SLC16A5: variants seen among roughly 807,000 people sequenced by gnomAD.
The protein encoded by SLC16A5 is solute carrier family 16 member 5, also known as monocarboxylate transporter 6.
SLC16A5 carries 29 observed loss-of-function variants against 33.2 expected under a neutral mutation model. The ratio of observed to expected loss-of-function variants is 0.87; its 90% CI spans 0.65 to 1.19. SLC16A5 has a LOEUF of 1.19. SLC16A5 is among the 50% of genes most tolerant of loss of function. The probability of loss-of-function intolerance (pLI) is 0.00; values close to 1 mark genes in which losing one functional copy is unlikely to be tolerated. For missense variants in SLC16A5, 606 were observed against 678.2 expected (o/e 0.89, Z 1.18); for synonymous variants, 248 against 284.1 (o/e 0.87, Z 1.28).
intron 3 of SLC16A5, among the ~76,000 whole-genome samples, chr17:75,097,677 C>G (rs1236902654): frequency 1.3e-5 from 2 of 152,066 alleles, no homozygotes; most frequent in Non-Finnish European, 2.9e-5. Flanking sequence ...ACCAACAGAC[C>G]CCCAGCGAAG....
chr17:75,091,628 G>A (rs2073638561), intron 2 of SLC16A5, among the ~76,000 whole-genome samples: 1 of 152,200 alleles, frequency 6.6e-6, no homozygotes, highest in African/African-American at 2.4e-5. Flanking sequence ...CCTAGGCCTG[G>A]AGGGAAGCAG....
chr17:75,103,333 C>CTTT (rs1194395211), intron 5 of SLC16A5, among the ~76,000 whole-genome samples: 1 of 128,626 alleles, frequency 7.8e-6, no homozygotes. Context: ...CAAGGGAATT[C>CTTT]TTTTTTTTTT....
chr17:75,093,325 T>C (rs2073667568), intron 2 of SLC16A5: 1 of 1,319,334 alleles, frequency 7.6e-7, no homozygotes, highest in Non-Finnish European at 1.0e-6. Flanking sequence ...CCACCTGCCC[T>C]GCCCCGTCCT....
intron 4 of SLC16A5, 65 bp from the exon 5 acceptor site, chr17:75,099,942 C>T (rs1343377031): frequency 4.1e-6 from 6 of 1,471,212 alleles, no homozygotes; most frequent in Non-Finnish European, 5.5e-6. Context: ...CCACTGACCC[C>T]ACCCCTGGGT....
chr17:75,090,462 CTT>C (rs71159429), intron 2 of SLC16A5: 2,585 of 122,256 alleles, frequency 0.021, 34 homozygotes, highest in Non-Finnish European at 0.032. Context: ...CTTTTCTTTT[CTT>C]TTTTTTTTTT....
chr17:75,100,856 A>G (rs4238978), intron 5 of SLC16A5, 40 bp downstream of exon 5: 772,477 of 1,508,092 alleles, frequency 0.51, 202,842 homozygotes, highest in East Asian at 0.77. Flanking sequence ...TAGTGTGGTA[A>G]AAGGGGAACA....
chr17:75,106,633 G>A (rs1406781290), downstream of SLC16A5, among the ~76,000 whole-genome samples: 3 of 147,144 alleles, frequency 2.0e-5, no homozygotes, highest in Admixed American at 6.9e-5. Flanking sequence ...GGTGGCTCAC[G>A]CCTGTAATCC....
chr17:75,089,115 A>C (rs2073605924), intron 1 of SLC16A5, 36 bp from the exon 2 acceptor site: 1 of 152,414 alleles, frequency 6.6e-6, no homozygotes, highest in Admixed American at 6.5e-5. Flanking sequence ...TGCCCAAAGC[A>C]CACACCAGGC....
At chr17:75,097,453 C>T (rs554316638) in intron 3 of SLC16A5, among the ~76,000 whole-genome samples, 30 of 151,178 alleles carry the variant, frequency 2.0e-4, no homozygotes, top group Non-Finnish European at 1.5e-5. Flanking sequence ...AGGGGAGAAC[C>T]TACCCTGCCT....
intron 6 of SLC16A5, chr17:75,104,547 G>T: frequency 1.2e-6 from 1 of 852,660 alleles, no homozygotes; most frequent in South Asian, 3.3e-5. Flanking sequence ...TGCCCCCCAA[G>T]TTCAAGCGAT....
intron 3 of SLC16A5, among the ~76,000 whole-genome samples, chr17:75,095,136 A>G (rs9905244): frequency 0.052 from 7,884 of 152,242 alleles, 686 homozygotes; most frequent in African/African-American, 0.18. Flanking sequence ...CAGCCTGCCT[A>G]TTATTCCAGG....
intron 3 of SLC16A5, among the ~76,000 whole-genome samples, chr17:75,097,055 ACCTTAAGTGAT>A (rs2073729821): frequency 6.6e-6 from 1 of 151,114 alleles, no homozygotes; most frequent in Non-Finnish European, 1.5e-5. Flanking sequence ...CGAACTCCTG[ACCTTAAGTGAT>A]CCACCCACCT....
intron 1 of SLC16A5, among the ~76,000 whole-genome samples, chr17:75,088,431 C>G (rs1026483589): frequency 1.8e-4 from 28 of 152,180 alleles, no homozygotes; most frequent in African/African-American, 6.5e-4. Flanking sequence ...GTCCCAAACC[C>G]TTGCTGGTTT....
intron 5 of SLC16A5, 36 bp downstream of exon 5, chr17:75,100,852 G>A (rs1443536598): frequency 2.0e-6 from 3 of 1,516,616 alleles, no homozygotes; most frequent in Non-Finnish European, 2.7e-6. Context: ...CAGATAGTGT[G>A]GTAAAAGGGG....
chr17:75,109,153 G>A (rs549988312), downstream of SLC16A5, among the ~76,000 whole-genome samples: 8 of 152,244 alleles, frequency 5.3e-5, 1 homozygote, highest in South Asian at 1.2e-3. The surrounding 1 kb of genome is among the most constrained non-coding windows in gnomAD (Gnocchi z 5.0). Context: ...GATAATCTCC[G>A]AGAAGGAATC....
chr17:75,090,822 C>T (rs971795993), intron 2 of SLC16A5, among the ~76,000 whole-genome samples: 1 of 151,922 alleles, frequency 6.6e-6, no homozygotes, highest in Admixed American at 6.6e-5. Flanking sequence ...TGGCCTGGGG[C>T]CTGGAGAGAG....
chr17:75,107,484 G>A (rs1327663632), downstream of SLC16A5, among the ~76,000 whole-genome samples: 2 of 152,278 alleles, frequency 1.3e-5, no homozygotes, highest in South Asian at 2.1e-4. Flanking sequence ...TCCACCCCAA[G>A]GAGGGCCCCT....
intron 6 of SLC16A5, chr17:75,105,579 C>T (rs991587554): frequency 1.0e-5 from 10 of 985,372 alleles, no homozygotes; most frequent in Non-Finnish European, 1.2e-5. Flanking sequence ...CTTGCTGGTG[C>T]CTTTCCCTGA....
At chr17:75,091,455 T>G (rs1308303502) in intron 2 of SLC16A5, among the ~76,000 whole-genome samples, 1 of 152,022 alleles carries the variant, frequency 6.6e-6, no homozygotes, top group East Asian at 1.9e-4. Context: ...GGGCAAGCAG[T>G]GCTCCGCCTT....
Sources: gnomAD v4.1 joint callset for allele counts (sites outside exome capture counted in the v4.1 genomes callset) on GRCh38, gnomAD v4.1.1 for gene constraint, Gnocchi (gnomAD v3.1) non-coding constraint, MANE v1.5 for transcripts, NCBI Gene and HGNC (gene_info 2026-07-23, HGNC 2026-07-21) for gene names.